The following NET1 variants were observed in gnomAD, a reference collection of about 807,000 sequenced individuals.
NET1 encodes neuroepithelial cell transforming 1, also known as neuroepithelial cell-transforming gene 1 protein.
A neutral mutation model predicts 61.1 loss-of-function variants in NET1; 42 were observed. That is an observed-to-expected ratio of 0.69 (90% CI 0.54 to 0.89). NET1 has a LOEUF of 0.89. Ranked by LOEUF, NET1 falls within the 40% of genes least tolerant of loss-of-function variation. NET1 has a pLI of 0.00. For missense variants in NET1, 654 were observed against 747.3 expected (o/e 0.88, Z 1.46); for synonymous variants, 254 against 281.8 (o/e 0.90, Z 0.99).
In NET1 at chr10:5,422,068, C is replaced by T. The variant is rs6601967; in HGVS notation, c.129-4587C>T. Among the ~76,000 whole-genome samples the T allele has an allele frequency of 0.7, 106,251 of 152,098 alleles. 37,315 individuals are homozygous for T. The highest frequency in any genetic ancestry group is 0.75 in the Admixed American group (11,447 of 15,292). On this transcript the variant is annotated intron_variant, in intron 1 of 11. Transcript: ENST00000355029. The surrounding 1 kb of genome is among the most constrained non-coding windows in gnomAD (Gnocchi z 4.1). Reference sequence around the variant, plus strand: ...CATGTAAGTCTTAGTGTAGGCTGGGCGCGGTGGCTCACGCCTATAATCCCA... The same window carrying T: ...CATGTAAGTCTTAGTGTAGGCTGGGTGCGGTGGCTCACGCCTATAATCCCA...
rs1039927277 is a variant in NET1 at position 5,421,388 on chromosome 10, A to G, written c.129-5267A>G. Among the ~76,000 whole-genome samples, 1 of 152,342 alleles carries G rather than the reference A, an allele frequency of 6.6e-6. No individual in the cohort carries two copies. The highest frequency in any genetic ancestry group is 1.5e-5 in the Non-Finnish European group (1 of 68,020). On this transcript the variant is annotated intron_variant, in intron 1 of 11. Coordinates refer to ENST00000355029, the MANE Select transcript of NET1 (RefSeq NM_001047160.3). The surrounding 1 kb of genome is among the most constrained non-coding windows in gnomAD (Gnocchi z 4.2). ...TTGCAGATTTGAAATAATGCTGTCC[A>G]TTGGTAGAAAAATAATAGTATGACC... is the stretch of plus-strand genomic sequence containing the variant.
Position 5,412,928 on chromosome 10 carries a change from G to A in NET1, c.128+108G>A. 9.2e-7 allele frequency: 1 copy of A among 1,087,616 alleles called. No homozygotes were observed. Among genetic ancestry groups the A allele is most frequent in the Admixed American group, 4.5e-5 (1 of 22,214 alleles). The allele number at this position is 1,087,616 out of a possible 1,614,324, so 67.4% of individuals were successfully genotyped here. A position where few individuals can be genotyped will look rare whatever the true frequency, so the allele number is the denominator to read the frequency against. On this transcript the variant is annotated intron_variant, in intron 1 of 11. Coordinates refer to ENST00000355029, the MANE Select transcript of NET1 (RefSeq NM_001047160.3). This position sits in a 1 kb window ranked among gnomAD's most constrained non-coding sequence, Gnocchi z 6.5. ...CAAGGGCCGGGGGGAGGGGAGGGCT[G>A]GCCGGGAGTTGGATGTGGGGGGCGG...
rs1832774144 is a variant in NET1, at chr10:5,455,017, A to C, written c.1096A>C (p.Ile366Leu). 6.2e-7 allele frequency: 1 copy of C among 1,614,178 alleles called. No homozygotes were observed. The highest frequency in any genetic ancestry group is 1.1e-5 in the South Asian group (1 of 91,088). The stretch of plus-strand genomic sequence containing the variant: ...AGGTGAATCCGAGTGCCAGTATTAC[A>C]TCGACAAGCTGGAGTACCTGGATGA... ...KKGESECQYY[I>L]DKLEYLDEKQ... The change falls in exon 10 of 12, where the codon ATC becomes CTC. Residue 366 changes from isoleucine to leucine, a missense_variant. Coordinates refer to ENST00000355029, the MANE Select transcript of NET1 (RefSeq NM_001047160.3). This position sits in a 1 kb window ranked among gnomAD's most constrained non-coding sequence, Gnocchi z 6.5.
Position 5,426,619 on chromosome 10 carries a change from A to C in NET1, c.129-36A>C. 6.6e-7 allele frequency: 1 copy of C among 1,516,814 alleles called. No homozygotes were observed. Among genetic ancestry groups the C allele is most frequent in the African/African-American group, 1.4e-5 (1 of 72,294 alleles). 94.0% of individuals were successfully genotyped at this position (1,516,814 alleles called of 1,614,324 possible). ...TTGATGCTCTATTATGCTAAAGTCA[A>C]TCTCTTTATTTATTGTTTGAATTTT... is the stretch of plus-strand genomic sequence containing the variant. On this transcript the variant is annotated intron_variant, in intron 1 of 11. Coordinates refer to ENST00000355029, the MANE Select transcript of NET1 (RefSeq NM_001047160.3). This position sits in a 1 kb window ranked among gnomAD's most constrained non-coding sequence, Gnocchi z 4.6.
At chr10:5,429,073 T>G (rs1832307158) in intron 2 of NET1, 97 bp from the exon 3 acceptor site, 1 of 931,784 alleles carries the variant, frequency 1.1e-6, no homozygotes, top group Non-Finnish European at 1.6e-6. Flanking sequence ...AAGGCTTAAC[T>G]TTTTTAAATT....
At position 5,452,699 on chromosome 10, in the gene NET1, T is replaced by G; in HGVS notation, c.532-159T>G. 1 of 905,228 alleles carries G rather than the reference T, an allele frequency of 1.1e-6. No individual in the cohort carries two copies. The highest frequency in any genetic ancestry group is 2.8e-4 in the Middle Eastern group (1 of 3,616). The allele number at this position is 905,228 out of a possible 1,614,324, so 56.1% of individuals were successfully genotyped here. ...TCTAATAGGGTAAACTTACCAAACATACGGCAACCTTGTATTTGAGATTCC... is the reference window on the plus strand; with the variant it reads ...TCTAATAGGGTAAACTTACCAAACAGACGGCAACCTTGTATTTGAGATTCC... On this transcript the variant is annotated intron_variant, in intron 5 of 11. Coordinates refer to ENST00000355029, the MANE Select transcript of NET1 (RefSeq NM_001047160.3). The surrounding 1 kb of genome is among the most constrained non-coding windows in gnomAD (Gnocchi z 4.0).
Position 5,451,519 on chromosome 10 carries a change from A to G in NET1, c.256-311A>G, listed in dbSNP as rs1832703376. Among the ~76,000 whole-genome samples, 1 of 151,944 alleles carries G rather than the reference A, an allele frequency of 6.6e-6. No homozygotes were observed. The highest frequency in any genetic ancestry group is 2.4e-5 in the African/African-American group (1 of 41,478). On this transcript the variant is annotated intron_variant, in intron 3 of 11. Transcript: ENST00000355029. The surrounding 1 kb of genome is among the most constrained non-coding windows in gnomAD (Gnocchi z 6.1). ...ACAATAAGGCTTTTTTTTAAAAAAA[A>G]AAAAAGTTATTCCCTGCATTAAACT...
At chr10:5,428,231 A>G (rs1335360920) in intron 2 of NET1, among the ~76,000 whole-genome samples, 1 of 152,074 alleles carries the variant, frequency 6.6e-6, no homozygotes, top group Non-Finnish European at 1.5e-5. Flanking sequence ...GATGTGGGAA[A>G]ATGAAGTGTT....
chr10:5,452,736 C>A lies in NET1; in HGVS notation c.532-122C>A. ...GTATTTGAGATTCCATTCTGAATTACAATTTTCAGACTGAGTTACTTTTTA... is the reference window on the plus strand; with the variant it reads ...GTATTTGAGATTCCATTCTGAATTAAAATTTTCAGACTGAGTTACTTTTTA... On this transcript the variant is annotated intron_variant, in intron 5 of 11. Transcript: ENST00000355029. This position sits in a 1 kb window ranked among gnomAD's most constrained non-coding sequence, Gnocchi z 4.0. The A allele has an allele frequency of 9.9e-7, 1 of 1,006,442 alleles. No individual in the cohort carries two copies. The highest frequency in any genetic ancestry group is 2.5e-5 in the East Asian group (1 of 39,938). 62.3% of individuals were successfully genotyped at this position (1,006,442 alleles called of 1,614,324 possible). A position where few individuals can be genotyped will look rare whatever the true frequency, so the allele number is the denominator to read the frequency against.
In NET1 at chr10:5,452,297, G is replaced by T; in HGVS notation, c.364-61G>T. Reference sequence around the variant, plus strand: ...TCTTCACTTTAAAAAAAAAGAAAATGGGAATAATTCTATTTCTTCCAAATC... The same window carrying T: ...TCTTCACTTTAAAAAAAAAGAAAATTGGAATAATTCTATTTCTTCCAAATC... On this transcript the variant is annotated intron_variant, in intron 4 of 11. Transcript: ENST00000355029. This position sits in a 1 kb window ranked among gnomAD's most constrained non-coding sequence, Gnocchi z 4.0. 1.5e-6 allele frequency: 2 copies of T among 1,332,286 alleles called. No homozygotes were observed. The highest frequency in any genetic ancestry group is 9.9e-7 in the Non-Finnish European group (1 of 1,011,778). The allele number at this position is 1,332,286 out of a possible 1,614,324, so 82.5% of individuals were successfully genotyped here. A position where few individuals can be genotyped will look rare whatever the true frequency, so the allele number is the denominator to read the frequency against.
At chr10:5,419,957 T>C (rs1327040151) in intron 1 of NET1, among the ~76,000 whole-genome samples, 1 of 152,196 alleles carries the variant, frequency 6.6e-6, no homozygotes, top group Non-Finnish European at 1.5e-5. Flanking sequence ...TATCTTTAAC[T>C]TTTGCCATTT....
chr10:5,430,126 G>C (rs1164077018), intron 3 of NET1, among the ~76,000 whole-genome samples: 6 of 151,930 alleles, frequency 3.9e-5, no homozygotes, highest in Non-Finnish European at 8.8e-5. Context: ...AACAGTTTTA[G>C]TTGCATTTAA....
rs907611020 is a variant in NET1 at position 5,458,712 on chromosome 10, G to GT, written c.*1719dup. On this transcript the variant is annotated 3_prime_UTR_variant, in exon 12 of 12. Coordinates refer to ENST00000355029, the MANE Select transcript of NET1 (RefSeq NM_001047160.3). This position sits in a 1 kb window ranked among gnomAD's most constrained non-coding sequence, Gnocchi z 4.5. Reference sequence around the variant, plus strand: ...CACCTGTTACTTTCTGGATAGGATAGTAAGGGTAGTAGTGGCAAAGGATCC... The same window carrying GT: ...CACCTGTTACTTTCTGGATAGGATAGTTAAGGGTAGTAGTGGCAAAGGATCC... Among the ~76,000 whole-genome samples the GT allele has an allele frequency of 6.6e-6, 1 of 152,200 alleles. No homozygotes were observed. Among genetic ancestry groups the GT allele is most frequent in the Admixed American group, 6.5e-5 (1 of 15,284 alleles).
chr10:5,420,816 G>A lies in NET1; in HGVS notation c.129-5839G>A, dbSNP rs536295015. On this transcript the variant is annotated intron_variant, in intron 1 of 11. Coordinates refer to ENST00000355029, the MANE Select transcript of NET1 (RefSeq NM_001047160.3). This position sits in a 1 kb window ranked among gnomAD's most constrained non-coding sequence, Gnocchi z 5.3. ...TCACCATGTTGGCCAGGATGGTTTT[G>A]ATCTCCTGACCTCGTGAACCGCCCA... Among the ~76,000 whole-genome samples, 12 of 152,068 alleles carry A rather than the reference G, an allele frequency of 7.9e-5. No individual in the cohort carries two copies. Among genetic ancestry groups the A allele is most frequent in the Middle Eastern group, 3.4e-3 (1 of 294 alleles).
Position 5,452,596 on chromosome 10 carries a change from G to T in NET1, c.531+71G>T, listed in dbSNP as rs971653228. ...TTGATGCCGATGGCAAAATTAACTT[G>T]GATTTTTGTGTTTGAGCAACAATTC... On this transcript the variant is annotated intron_variant, in intron 5 of 11. Transcript: ENST00000355029. This position sits in a 1 kb window ranked among gnomAD's most constrained non-coding sequence, Gnocchi z 4.0. 1.6e-5 allele frequency: 24 copies of T among 1,477,366 alleles called. No homozygotes were observed. The highest frequency in any genetic ancestry group is 1.8e-5 in the Non-Finnish European group (20 of 1,086,646). 91.5% of individuals were successfully genotyped at this position (1,477,366 alleles called of 1,614,324 possible). A position where few individuals can be genotyped will look rare whatever the true frequency, so the allele number is the denominator to read the frequency against.
At chr10:5,434,131 G>T (rs1217634501) in intron 3 of NET1, among the ~76,000 whole-genome samples, 1 of 152,194 alleles carries the variant, frequency 6.6e-6, no homozygotes, top group South Asian at 2.1e-4. Context: ...TTTCAGTGCA[G>T]TAAGTTTCCT....
intron 3 of NET1, among the ~76,000 whole-genome samples, chr10:5,442,732 T>G (rs929630756): frequency 6.6e-6 from 1 of 151,940 alleles, no homozygotes; most frequent in Non-Finnish European, 1.5e-5. Flanking sequence ...CCATCTCTAC[T>G]AACATTACAA....
In NET1 at chr10:5,422,408, T is replaced by G. The variant is rs933967795; in HGVS notation, c.129-4247T>G. 4.6e-5 allele frequency among the ~76,000 whole-genome samples: 7 copies of G among 152,240 alleles called. No individual in the cohort carries two copies. Among genetic ancestry groups the G allele is most frequent in the African/African-American group, 1.4e-4 (6 of 41,546 alleles). ...GGGTAAATTCTTGGGGGTGGAATTATCAGGTCCTACGGTAAACTTACCACT... is the reference window on the plus strand; with the variant it reads ...GGGTAAATTCTTGGGGGTGGAATTAGCAGGTCCTACGGTAAACTTACCACT... On this transcript the variant is annotated intron_variant, in intron 1 of 11. Transcript: ENST00000355029. The surrounding 1 kb of genome is among the most constrained non-coding windows in gnomAD (Gnocchi z 4.1).
chr10:5,441,363 G>T lies in NET1; in HGVS notation c.256-10467G>T, dbSNP rs76601714. On this transcript the variant is annotated intron_variant, in intron 3 of 11. Transcript: ENST00000355029. This position sits in a 1 kb window ranked among gnomAD's most constrained non-coding sequence, Gnocchi z 4.6. ...GGGTCACTCCTGTGGGGAGCCAGTT[G>T]CTATGGCAATGTCAAATTGGGCTGA... 4.5e-3 allele frequency among the ~76,000 whole-genome samples: 693 copies of T among 152,332 alleles called. 29 individuals are homozygous for T. The East Asian group carries it at 0.096, about 21-fold the overall frequency.
Sources: gnomAD v4.1 joint callset for allele counts (sites outside exome capture counted in the v4.1 genomes callset) on GRCh38, gnomAD v4.1.1 for gene constraint, Gnocchi (gnomAD v3.1) non-coding constraint, MANE v1.5 for transcripts, NCBI Gene and HGNC (gene_info 2026-07-23, HGNC 2026-07-21) for gene names.